Variants in VMP1 observed in about 807,000 individuals in gnomAD.
VMP1 encodes vacuole membrane protein 1, also known as ectopic P-granules autophagy protein 3 homolog.
VMP1 carries 11 observed loss-of-function variants against 56.0 expected under a neutral mutation model. That is an observed-to-expected ratio of 0.20 (90% confidence interval 0.12 to 0.32). VMP1 has a LOEUF of 0.32. Ranked by LOEUF, VMP1 falls within the 10% of genes least tolerant of loss-of-function variation. VMP1 has a pLI of 1.00. For missense variants in VMP1, 296 were observed against 490.3 expected (o/e 0.60, Z 3.74); for synonymous variants, 149 against 165.0 (o/e 0.90, Z 0.74).
At chr17:59,811,457 G>T (rs748319954) in intron 8 of VMP1, among the ~76,000 whole-genome samples, 6 of 152,196 alleles carry the variant, frequency 3.9e-5, no homozygotes, top group Non-Finnish European at 8.8e-5. Flanking sequence ...GCTGTGAGCA[G>T]ATTGAACACC....
At chr17:59,737,214 A>G (rs1349347584) in intron 3 of VMP1, among the ~76,000 whole-genome samples, 1 of 152,172 alleles carries the variant, frequency 6.6e-6, no homozygotes, top group Non-Finnish European at 1.5e-5. Flanking sequence ...AGGTTTAATA[A>G]GATCAGGCTT....
intron 5 of VMP1, among the ~76,000 whole-genome samples, chr17:59,745,849 CTA>C (rs1046400450): frequency 6.6e-6 from 1 of 152,072 alleles, no homozygotes; most frequent in Non-Finnish European, 1.5e-5. Flanking sequence ...GAAAAAGAAA[CTA>C]ATTTTAACAG....
intron 10 of VMP1, among the ~76,000 whole-genome samples, chr17:59,836,531 G>GATCT (rs576553063): frequency 1.3e-5 from 2 of 152,140 alleles, no homozygotes; most frequent in African/African-American, 4.8e-5. Context: ...ACCCCTCACT[G>GATCT]ATCTCTCTTT....
At chr17:59,813,529 A>T (rs920772004) in intron 9 of VMP1, among the ~76,000 whole-genome samples, 8 of 151,690 alleles carry the variant, frequency 5.3e-5, no homozygotes, top group Admixed American at 4.6e-4. Context: ...GTGAGCCGAG[A>T]TCGTGCCATT....
intron 7 of VMP1, among the ~76,000 whole-genome samples, chr17:59,801,232 G>C (rs2037650649): frequency 2.7e-5 from 4 of 148,964 alleles, no homozygotes; most frequent in Admixed American, 2.0e-4. Flanking sequence ...CTATACTATA[G>C]TTTTATCTTT....
intron 3 of VMP1, among the ~76,000 whole-genome samples, chr17:59,736,497 C>A (rs1598312564): frequency 6.6e-6 from 1 of 150,412 alleles, no homozygotes; most frequent in Non-Finnish European, 1.5e-5. Context: ...AATTTTAGGC[C>A]ATTTGGGAGG....
At position 59,735,467 on chromosome 17, in the gene VMP1, C is replaced by T. The variant is rs751998541; in HGVS notation, c.206C>T (p.Thr69Ile). 3 of 1,614,008 alleles carry T rather than the reference C, an allele frequency of 1.9e-6. No individual in the cohort carries two copies. The highest frequency in any genetic ancestry group is 1.7e-5 in the Admixed American group (1 of 59,986). ...ATCCTTGTAATCTTGAAGGAATGGACCTCAAAGTAAAGAGTCTTCTCCCAC... is the reference window on the plus strand; with the variant it reads ...ATCCTTGTAATCTTGAAGGAATGGATCTCAAAGTAAAGAGTCTTCTCCCAC... ...LEILVILKEW[T>I]SKLWHRQSIV... is the part of the protein sequence containing the mutation. Residue 69 changes from threonine to isoleucine, a missense_variant, in exon 3 of 12, where the codon ACC becomes ATC. By Grantham distance (89) the Thr-to-Ile change is moderately conservative. This residue lies in a region of VMP1 where 126 missense variants were observed against 231.6 expected (regional missense o/e 0.54). Transcript: ENST00000262291.
At chr17:59,755,331 A>C (rs2035800470) in intron 5 of VMP1, among the ~76,000 whole-genome samples, 3 of 152,118 alleles carry the variant, frequency 2.0e-5, no homozygotes, top group Admixed American at 1.3e-4. Flanking sequence ...GCTGGTCTCG[A>C]ACTCCTGACC....
At chr17:59,753,229 G>A (rs543676732) in intron 5 of VMP1, among the ~76,000 whole-genome samples, 5 of 151,828 alleles carry the variant, frequency 3.3e-5, no homozygotes, top group African/African-American at 9.7e-5. Flanking sequence ...TTATGATCGC[G>A]CCACTGCACT....
intron 6 of VMP1, among the ~76,000 whole-genome samples, chr17:59,772,366 T>C (rs1010844349): frequency 1.3e-5 from 2 of 152,180 alleles, no homozygotes; most frequent in East Asian, 3.9e-4. Context: ...CCATTGTGAA[T>C]ACAAAATATT....
chr17:59,732,640 T>C (rs1200468412), intron 2 of VMP1, among the ~76,000 whole-genome samples: 1 of 152,230 alleles, frequency 6.6e-6, no homozygotes, highest in Non-Finnish European at 1.5e-5. Flanking sequence ...CTTGGCAATT[T>C]CACCAAGAGT....
At chr17:59,781,838 CT>C (rs1435916864) in intron 7 of VMP1, among the ~76,000 whole-genome samples, 1 of 152,116 alleles carries the variant, frequency 6.6e-6, no homozygotes. Flanking sequence ...AGAAGATGCT[CT>C]TTGTCATATG....
At chr17:59,750,361 G>T (rs1441573026) in intron 5 of VMP1, among the ~76,000 whole-genome samples, 2 of 151,316 alleles carry the variant, frequency 1.3e-5, no homozygotes, top group Non-Finnish European at 2.9e-5. Flanking sequence ...TAGTGCAGTG[G>T]TGCGAACTCG....
At chr17:59,784,138 T>TGAGAGAGA (rs1278302063) in intron 7 of VMP1, among the ~76,000 whole-genome samples, 266 of 132,502 alleles carry the variant, frequency 2.0e-3, no homozygotes, top group African/African-American at 7.8e-3. Context: ...TGTGTGTGTG[T>TGAGAGAGA]GTGTGAGAGA....
chr17:59,767,795 C>T (rs548481610), intron 6 of VMP1, among the ~76,000 whole-genome samples: 1 of 152,106 alleles, frequency 6.6e-6, no homozygotes, highest in South Asian at 2.1e-4. Context: ...ATTAAATATA[C>T]CTTAAAAGTA....
chr17:59,807,287 T>A (rs1877110944), intron 7 of VMP1, among the ~76,000 whole-genome samples: 1 of 150,614 alleles, frequency 6.6e-6, no homozygotes, highest in Admixed American at 6.6e-5. Context: ...AAACTCTGCC[T>A]CCCGGGTTTG....
At chr17:59,761,213 T>G (rs1481926801) in intron 5 of VMP1, among the ~76,000 whole-genome samples, 2 of 152,228 alleles carry the variant, frequency 1.3e-5, no homozygotes, top group African/African-American at 2.4e-5. Flanking sequence ...TGTGTTTTAT[T>G]TTCTTTGTGT....
chr17:59,781,101 C>T (rs982248560), intron 7 of VMP1, among the ~76,000 whole-genome samples: 18 of 152,050 alleles, frequency 1.2e-4, no homozygotes, highest in African/African-American at 3.9e-4. Flanking sequence ...AGACTGTTGC[C>T]GGTTTTCCAT....
chr17:59,797,083 T>C (rs544372010), intron 7 of VMP1, among the ~76,000 whole-genome samples: 2 of 151,956 alleles, frequency 1.3e-5, no homozygotes, highest in South Asian at 2.1e-4. Flanking sequence ...CCTGTAATCC[T>C]ACCACTTTGG....
Sources: allele counts gnomAD v4.1 joint callset (sites outside exome capture counted in the v4.1 genomes callset), GRCh38; gene constraint gnomAD v4.1.1; regional missense constraint gnomAD v4.1.1; transcripts MANE v1.5; gene names NCBI Gene and HGNC (gene_info 2026-07-23, HGNC 2026-07-21).